Variants in PXMP4 observed in about 807,000 individuals in gnomAD.
PXMP4 encodes the protein peroxisomal membrane protein 4.
A neutral mutation model predicts 21.6 loss-of-function variants in PXMP4; 16 were observed. The ratio of observed to expected loss-of-function variants is 0.74; its 90% CI spans 0.50 to 1.13. The LOEUF is 1.13. PXMP4 is among the 50% of genes most tolerant of loss of function. PXMP4 has a pLI of 0.00. For missense variants in PXMP4, 240 were observed against 277.7 expected, an observed-to-expected ratio of 0.86 and a Z score of 0.96; for synonymous variants, 127 against 123.8, an observed-to-expected ratio of 1.03 and a Z score of -0.17.
chr20:33,710,180 T>C (rs1601204027), intron 3 of PXMP4, among the ~76,000 whole-genome samples: 2 of 103,658 alleles, frequency 1.9e-5, no homozygotes, highest in Non-Finnish European at 1.9e-5. Context: ...CTCCTACCTC[T>C]ATACAGAACC....
chr20:33,716,627 G>A (rs936127667), intron 1 of PXMP4, among the ~76,000 whole-genome samples: 1 of 152,122 alleles, frequency 6.6e-6, no homozygotes, highest in Non-Finnish European at 1.5e-5. Context: ...TGGGCTCTGT[G>A]AAGACAGGGA....
At chr20:33,720,036 G>T in intron 1 of PXMP4, 59 bp downstream of exon 1, 1 of 1,527,666 alleles carries the variant, frequency 6.5e-7, no homozygotes, top group Non-Finnish European at 9.0e-7. Flanking sequence ...TCGAACTCGC[G>T]CCTCTGACCC....
chr20:33,711,414 G>A (rs770138184), intron 2 of PXMP4, among the ~76,000 whole-genome samples: 41 of 152,186 alleles, frequency 2.7e-4, no homozygotes, highest in Non-Finnish European at 5.0e-4. Flanking sequence ...GGGTCAGGGA[G>A]TATGAGGAAA....
At chr20:33,710,014 CA>C in intron 3 of PXMP4, among the ~76,000 whole-genome samples, 1 of 143,632 alleles carries the variant, frequency 7.0e-6, no homozygotes, top group South Asian at 2.3e-4. Context: ...CACTGACCCA[CA>C]CCCCTTCCCC....
chr20:33,713,337 C>G (rs2018351580), intron 2 of PXMP4, among the ~76,000 whole-genome samples: 2 of 152,158 alleles, frequency 1.3e-5, no homozygotes, highest in Admixed American at 6.5e-5. Flanking sequence ...CTGGAACACT[C>G]ACTCTTTCCC....
chr20:33,711,950 G>A (rs937748171), intron 2 of PXMP4, among the ~76,000 whole-genome samples: 1 of 150,992 alleles, frequency 6.6e-6, no homozygotes, highest in Non-Finnish European at 1.5e-5. Context: ...CAGCACTCCA[G>A]TCTGGGTGAC....
In PXMP4 at chr20:33,720,162, C is replaced by T. The variant is rs768370510; in HGVS notation, c.46G>A (p.Ala16Thr). ...QLRALLVVVN[A>T]LLRKRRYHAA... Reference sequence around the variant, plus strand: ...TGGTAGCGGCGCTTGCGCAGCAGTGCGTTGACGACTACGAGCAGAGCCCTT... The same window carrying T: ...TGGTAGCGGCGCTTGCGCAGCAGTGTGTTGACGACTACGAGCAGAGCCCTT... The change falls in exon 1 of 4, where the codon GCA (alanine) becomes ACA (threonine). Residue 16 changes from alanine to threonine, a missense_variant. Transcript: ENST00000409299. 1 of 1,613,482 alleles carries T rather than the reference C, an allele frequency of 6.2e-7. No homozygotes were observed. Among genetic ancestry groups the T allele is most frequent in the South Asian group, 1.1e-5 (1 of 91,078 alleles).
rs962448800 is a variant in PXMP4 at position 33,704,750 on chromosome 20, C to T, written c.*2956G>A. ...ACTCAGAGCAGCACCACTGGCAGCA[C>T]CAGGGAGCCTGGGAGAAATGCAGAC... On this transcript the variant is annotated 3_prime_UTR_variant, in exon 4 of 4. Coordinates refer to ENST00000409299, the MANE Select transcript of PXMP4 (RefSeq NM_007238.5). 7 of 152,148 alleles carry T rather than the reference C, an allele frequency of 4.6e-5. No individual in the cohort carries two copies. Among genetic ancestry groups the T allele is most frequent in the Non-Finnish European group, 8.8e-5 (6 of 68,056 alleles). The allele number at this position is 152,148 out of a possible 1,614,324, so 9.4% of individuals were successfully genotyped here.
chr20:33,715,020 A>G (rs2018369110), intron 1 of PXMP4, among the ~76,000 whole-genome samples: 1 of 152,196 alleles, frequency 6.6e-6, no homozygotes, highest in South Asian at 2.1e-4. Context: ...GCTGGTGTGC[A>G]GTGGTACGAT....
intron 1 of PXMP4, among the ~76,000 whole-genome samples, chr20:33,715,048 C>G (rs1195683784): frequency 6.6e-6 from 1 of 152,054 alleles, no homozygotes; most frequent in Non-Finnish European, 1.5e-5. Flanking sequence ...CACTGCAGCC[C>G]TGAACTCCTG....
At chr20:33,715,217 T>C (rs1353801438) in intron 1 of PXMP4, among the ~76,000 whole-genome samples, 3 of 152,220 alleles carry the variant, frequency 2.0e-5, no homozygotes, top group Admixed American at 6.5e-5. Context: ...CTTGGCTCAC[T>C]GCAGCCTCGG....
Position 33,719,148 on chromosome 20 carries a change from G to A in PXMP4, c.113+947C>T, listed in dbSNP as rs531501093. Among the ~76,000 whole-genome samples, 93 of 152,236 alleles carry A rather than the reference G, an allele frequency of 6.1e-4. 1 individual carries two copies. The highest frequency in any genetic ancestry group is 2.0e-3 in the African/African-American group (85 of 41,556). ...TGACCTCAGATAATCCGCCTGCCTC[G>A]GCCTCCCAAAGTGCTAGGATTACAG... On this transcript the variant is annotated intron_variant, in intron 1 of 3. Transcript: ENST00000409299.
At chr20:33,717,639 C>CAAAAAAAAAAAAAAAAA (rs10666719) in intron 1 of PXMP4, among the ~76,000 whole-genome samples, 4 of 56,546 alleles carry the variant, frequency 7.1e-5, no homozygotes, top group South Asian at 5.5e-4. Context: ...GACTCCGTCT[C>CAAAAAAAAAAAAAAAAA]AAAAAAAAAA....
At chr20:33,718,882 T>C (rs1451137014) in intron 1 of PXMP4, among the ~76,000 whole-genome samples, 1 of 152,218 alleles carries the variant, frequency 6.6e-6, no homozygotes, top group Non-Finnish European at 1.5e-5. Context: ...GATAAAGTTA[T>C]GGCCTCATGA....
Position 33,707,617 on chromosome 20 carries a change from G to T in PXMP4, c.*89C>A. 7 of 1,502,508 alleles carry T rather than the reference G, an allele frequency of 4.7e-6. No individual in the cohort carries two copies. The highest frequency in any genetic ancestry group is 6.3e-6 in the Non-Finnish European group (7 of 1,107,568). 93.1% of individuals were successfully genotyped at this position (1,502,508 alleles called of 1,614,324 possible). ...CCTGGGATAACACCAGTTGGAGTCTGAGGCCTATGATCTTGAGAAGGCAGT... is the reference window on the plus strand; with the variant it reads ...CCTGGGATAACACCAGTTGGAGTCTTAGGCCTATGATCTTGAGAAGGCAGT... On this transcript the variant is annotated 3_prime_UTR_variant, in exon 4 of 4. Coordinates refer to ENST00000409299, the MANE Select transcript of PXMP4 (RefSeq NM_007238.5).
rs114862868 is a variant in PXMP4, at chr20:33,707,232, C to T, written c.*474G>A. 4.7e-3 allele frequency: 720 copies of T among 154,440 alleles called. 9 individuals carry two copies. The highest frequency in any genetic ancestry group is 0.017 in the African/African-American group (686 of 41,548). 9.6% of individuals were successfully genotyped at this position (154,440 alleles called of 1,614,324 possible). The stretch of plus-strand genomic sequence containing the variant: ...ACATTTTAATTACATATATGGCTCA[C>T]GTGTTTCTATTGGACAGTGGGAATC... On this transcript the variant is annotated 3_prime_UTR_variant, in exon 4 of 4. Coordinates refer to ENST00000409299, the MANE Select transcript of PXMP4 (RefSeq NM_007238.5).
intron 1 of PXMP4, among the ~76,000 whole-genome samples, chr20:33,716,596 T>A (rs2018385389): frequency 6.6e-6 from 1 of 152,218 alleles, no homozygotes; most frequent in African/African-American, 2.4e-5. Context: ...ATTATAATGA[T>A]CTCTTTCCTG....
At chr20:33,709,884 C>T (rs1011888354) in intron 3 of PXMP4, among the ~76,000 whole-genome samples, 13 of 141,820 alleles carry the variant, frequency 9.2e-5, no homozygotes, top group African/African-American at 3.5e-4. Flanking sequence ...CCCCTTCCCC[C>T]ACTCCCACCT....
intron 2 of PXMP4, among the ~76,000 whole-genome samples, chr20:33,712,700 G>T (rs749429259): frequency 1.1e-4 from 17 of 152,302 alleles, no homozygotes; most frequent in Non-Finnish European, 2.1e-4. Flanking sequence ...GCGCAATCTC[G>T]GCTCACTGCA....
Sources: allele counts gnomAD v4.1 joint callset (sites outside exome capture counted in the v4.1 genomes callset), GRCh38; gene constraint gnomAD v4.1.1; transcripts MANE v1.5; gene names NCBI Gene and HGNC (gene_info 2026-07-23, HGNC 2026-07-21).